The following OGDH variants were observed in gnomAD, a reference collection of about 807,000 sequenced individuals.
The protein encoded by OGDH is 2-oxoglutarate dehydrogenase complex component E1.
In OGDH, 38 loss-of-function variants were observed where a neutral mutation model predicts 116.6. The observed-to-expected ratio is 0.33, with a 90% confidence interval of 0.25 to 0.43. The LOEUF (loss-of-function observed/expected upper bound fraction) is 0.43. Among genes scored for constraint, OGDH ranks in the 20% least tolerant of loss-of-function variants. The pLI, the probability that OGDH is intolerant of heterozygous loss-of-function variation, is 1.00. For synonymous variants in OGDH, 488 were observed against 533.3 expected (o/e 0.92, Z 1.17); for missense variants, 825 against 1,357.2 (o/e 0.61, Z 6.16).
At chr7:44,648,288 A>G (rs1786279236) in intron 4 of OGDH, among the ~76,000 whole-genome samples, 1 of 152,166 alleles carries the variant, frequency 6.6e-6, no homozygotes, top group South Asian at 2.1e-4. Flanking sequence ...GAAACTTTGG[A>G]AGGCATTCCC....
rs1286837510 is a variant in OGDH, at chr7:44,641,209, CTTTTTTTTTTTTTTTCTT to C, written c.223-4102_223-4085del. Among the ~76,000 whole-genome samples the C allele has an allele frequency of 6.0e-3, 655 of 108,614 alleles. 6 individuals carry two copies. Among genetic ancestry groups the C allele is most frequent in the African/African-American group, 0.019 (592 of 30,938 alleles). 71.3% of individuals were successfully genotyped at this position (108,614 alleles called of 152,430 possible). On this transcript the variant is annotated intron_variant, in intron 2 of 22. Transcript: ENST00000222673. ...AGCCACCAAGCCCAGCCTTTTTCTT[CTTTTTTTTTTTTTTTCTT>C]TTTTTTTTTTTTTTTGGAAACAGGG...
At chr7:44,700,399 C>A in intron 19 of OGDH, 130 bp downstream of exon 19, 3 of 1,204,246 alleles carry the variant, frequency 2.5e-6, no homozygotes, top group Non-Finnish European at 3.5e-6. Flanking sequence ...GTGGACAGGA[C>A]ATGGTGTCAG....
intron 1 of OGDH, among the ~76,000 whole-genome samples, chr7:44,612,862 T>G (rs71548236): frequency 2.0e-5 from 3 of 150,110 alleles, no homozygotes; most frequent in Non-Finnish European, 3.0e-5. Context: ...CGCCTGGCTG[T>G]TTTTTTTCTT....
chr7:44,698,107 G>A, intron 17 of OGDH, 85 bp from the exon 18 acceptor site: 7 of 1,428,462 alleles, frequency 4.9e-6, no homozygotes, highest in Non-Finnish European at 6.8e-6. Flanking sequence ...CCAGAAATGA[G>A]CTAGTTGGTT....
intron 1 of OGDH, among the ~76,000 whole-genome samples, chr7:44,622,245 A>G (rs1785036904): frequency 6.6e-6 from 1 of 152,148 alleles, no homozygotes; most frequent in Non-Finnish European, 1.5e-5. Flanking sequence ...CAACAGTAGT[A>G]TTTTTGCTGT....
intron 10 of OGDH, among the ~76,000 whole-genome samples, chr7:44,685,949 G>A (rs1055959947): frequency 1.3e-5 from 2 of 152,068 alleles, no homozygotes; most frequent in Admixed American, 6.6e-5. Context: ...GTTCTTTGGA[G>A]TATATATCCA....
At chr7:44,677,631 G>T (rs1787756365) in intron 9 of OGDH, among the ~76,000 whole-genome samples, 1 of 152,146 alleles carries the variant, frequency 6.6e-6, no homozygotes, top group African/African-American at 2.4e-5. Flanking sequence ...CACTTTGGGA[G>T]GCTGAGGCGG....
chr7:44,625,306 G>T (rs1785162704), intron 2 of OGDH, among the ~76,000 whole-genome samples: 1 of 152,154 alleles, frequency 6.6e-6, no homozygotes, highest in Middle Eastern at 3.4e-3. Flanking sequence ...TGTATTTTTA[G>T]TAGAGATGGG....
At chr7:44,679,876 G>T (rs1040831192) in intron 9 of OGDH, among the ~76,000 whole-genome samples, 4 of 152,094 alleles carry the variant, frequency 2.6e-5, no homozygotes, top group African/African-American at 9.7e-5. Flanking sequence ...CTGCCAGCCC[G>T]CCCTGCAGAC....
chr7:44,697,770 C>T lies in OGDH; in HGVS notation c.2346C>T (p.Gly782=), dbSNP rs917662941. 2 of 1,613,510 alleles carry T rather than the reference C, an allele frequency of 1.2e-6. No individual in the cohort carries two copies. Among genetic ancestry groups the T allele is most frequent in the Non-Finnish European group, 1.7e-6 (2 of 1,179,716 alleles). The part of the protein sequence containing the change: ...QNGIVLLLPH[G]MEGMGPEHSS... ...GCATCGTGTTGCTGCTGCCCCATGGCATGGAGGGCATGGTGAGCCTCTGGC... is the reference window on the plus strand; with the variant it reads ...GCATCGTGTTGCTGCTGCCCCATGGTATGGAGGGCATGGTGAGCCTCTGGC... The change falls in exon 17 of 23, where the codon GGC becomes GGT. Residue 782 remains glycine (G), a synonymous_variant. Transcript: ENST00000222673. This position sits in a 1 kb window ranked among gnomAD's most constrained non-coding sequence, Gnocchi z 6.0.
chr7:44,649,408 C>A (rs1786337243), intron 4 of OGDH, among the ~76,000 whole-genome samples: 2 of 151,866 alleles, frequency 1.3e-5, no homozygotes, highest in Non-Finnish European at 1.5e-5. Context: ...CACCACCACA[C>A]CCAGCTAATT....
chr7:44,638,875 G>A (rs886313923), intron 2 of OGDH, among the ~76,000 whole-genome samples: 18 of 152,160 alleles, frequency 1.2e-4, no homozygotes, highest in African/African-American at 3.9e-4. Flanking sequence ...TTCTGTTTGC[G>A]CTGGGTGGTC....
intron 2 of OGDH, among the ~76,000 whole-genome samples, chr7:44,644,420 T>G (rs973817941): frequency 3.3e-5 from 5 of 152,188 alleles, no homozygotes; most frequent in African/African-American, 1.2e-4. Context: ...GTAAATTAGT[T>G]TATAGTTTTT....
Position 44,697,881 on chromosome 7 carries a change from A to C in OGDH, c.2358+99A>C. The C allele has an allele frequency of 7.3e-7, 1 of 1,372,792 alleles. No homozygotes were observed. The highest frequency in any genetic ancestry group is 9.8e-7 in the Non-Finnish European group (1 of 1,021,832). 85.0% of individuals were successfully genotyped at this position (1,372,792 alleles called of 1,614,324 possible). A position where few individuals can be genotyped will look rare whatever the true frequency, so the allele number is the denominator to read the frequency against. ...GGCACGAGAGCCAGTGGCTCACACC[A>C]GCCTCCTAAGGACTCTGCTGGTGCT... On this transcript the variant is annotated intron_variant, in intron 17 of 22. Transcript: ENST00000222673. The surrounding 1 kb of genome is among the most constrained non-coding windows in gnomAD (Gnocchi z 6.0).
chr7:44,674,597 C>A, intron 7 of OGDH, 40 bp downstream of exon 7: 1 of 1,611,110 alleles, frequency 6.2e-7, no homozygotes, highest in Middle Eastern at 1.9e-4. Flanking sequence ...TCTCACCATC[C>A]CTGTGGGCTG....
At chr7:44,616,704 CACACATGTTTAT>C (rs1237342336) in intron 1 of OGDH, among the ~76,000 whole-genome samples, 1 of 139,532 alleles carries the variant, frequency 7.2e-6, no homozygotes, top group African/African-American at 2.9e-5. Flanking sequence ...TATATATATA[CACACATGTTTAT>C]GTATATATAC....
chr7:44,656,180 G>A lies in OGDH; in HGVS notation c.517+8421G>A, dbSNP rs116274924. 2.8e-5 allele frequency: 21 copies of A among 743,454 alleles called. No homozygotes were observed. The African/African-American group carries it at 3.1e-4, about 11-fold the overall frequency. The allele number at this position is 743,454 out of a possible 1,614,324, so 46.1% of individuals were successfully genotyped here. ...CCCACTTCTCCCTTGATGTGTGTGT[G>A]TGTCCCTGTGATGGTGTCTGTGCTA... On this transcript the variant is annotated intron_variant, in intron 4 of 22. Transcript: ENST00000222673.
chr7:44,614,710 G>A (rs1239907275), intron 1 of OGDH, among the ~76,000 whole-genome samples: 3 of 151,900 alleles, frequency 2.0e-5, no homozygotes, highest in East Asian at 3.9e-4. Flanking sequence ...ATAGTTGCTC[G>A]TGGAAGCATT....
intron 1 of OGDH, among the ~76,000 whole-genome samples, chr7:44,609,086 T>C (rs1784464242): frequency 6.6e-6 from 1 of 152,186 alleles, no homozygotes; most frequent in South Asian, 2.1e-4. Context: ...TAATCTGTTC[T>C]TCATTTCCCT....
Sources: allele counts gnomAD v4.1 joint callset (sites outside exome capture counted in the v4.1 genomes callset), GRCh38; gene constraint gnomAD v4.1.1; non-coding constraint Gnocchi (gnomAD v3.1); transcripts MANE v1.5; gene names NCBI Gene and HGNC (gene_info 2026-07-23, HGNC 2026-07-21).